The following ARNT2 variants were observed in gnomAD, a reference collection of about 807,000 sequenced individuals.
ARNT2 encodes ARNT protein 2.
ARNT2 carries 36 observed loss-of-function variants against 91.7 expected under a neutral mutation model. That is an observed-to-expected ratio of 0.39 (90% CI 0.30 to 0.52). ARNT2 has a LOEUF of 0.52. ARNT2 is among the 20% of genes least tolerant of loss of function. ARNT2 has a pLI of 0.72. For synonymous variants in ARNT2, 365 were observed against 347.1 expected (o/e 1.05, Z -0.57); for missense variants, 775 against 939.3 (o/e 0.83, Z 2.29).
At chr15:80,485,128 A>C (rs1267385283) in intron 5 of ARNT2, among the ~76,000 whole-genome samples, 2 of 152,224 alleles carry the variant, frequency 1.3e-5, no homozygotes. Context: ...GTGGTTTCCC[A>C]AACTTTCCAT....
rs892653429 is a variant in ARNT2, at chr15:80,406,969, G to C, written c.31+2423G>C. ...TGGCTCAGGGTTTGAGCCAAAGAGA[G>C]AGAGTTCAGATTCTATGGGCAATTT... On this transcript the variant is annotated intron_variant, in intron 1 of 18. Transcript: ENST00000303329. Among the ~76,000 whole-genome samples the C allele has an allele frequency of 2.0e-5, 3 of 152,190 alleles. No individual in the cohort carries two copies. The South Asian group carries it at 6.2e-4, about 32-fold the overall frequency.
At chr15:80,458,265 T>C (rs1217385596) in intron 3 of ARNT2, among the ~76,000 whole-genome samples, 1 of 152,142 alleles carries the variant, frequency 6.6e-6, no homozygotes, top group Non-Finnish European at 1.5e-5. Context: ...TAGGGCTTTT[T>C]AAAAAGTATT....
At chr15:80,430,087 C>T (rs1895987612) in intron 1 of ARNT2, among the ~76,000 whole-genome samples, 1 of 152,162 alleles carries the variant, frequency 6.6e-6, no homozygotes, top group African/African-American at 2.4e-5. Context: ...CAGAAGGCTT[C>T]CCTAGGTCAC....
At chr15:80,519,547 C>T (rs1228171463) in intron 8 of ARNT2, among the ~76,000 whole-genome samples, 1 of 152,186 alleles carries the variant, frequency 6.6e-6, no homozygotes, top group Non-Finnish European at 1.5e-5. Context: ...TCTTTGAGTT[C>T]TGTCCTTTGT....
intron 1 of ARNT2, among the ~76,000 whole-genome samples, chr15:80,433,257 A>ATTTTAT (rs371260856): frequency 0.3 from 37,508 of 125,986 alleles, 6,307 homozygotes; most frequent in East Asian, 0.51. Context: ...ATTTTATTTT[A>ATTTTAT]TTTTATTTTA....
At chr15:80,494,378 TCTC>T (rs1169959908) in intron 5 of ARNT2, among the ~76,000 whole-genome samples, 2 of 152,262 alleles carry the variant, frequency 1.3e-5, no homozygotes, top group Admixed American at 1.3e-4. Context: ...GTCAGCCTGG[TCTC>T]CTGGCATATA....
chr15:80,564,273 C>T (rs1270563856), intron 12 of ARNT2, among the ~76,000 whole-genome samples: 1 of 152,152 alleles, frequency 6.6e-6, no homozygotes, highest in African/African-American at 2.4e-5. Flanking sequence ...TTCTCGGTAG[C>T]CTCCCTGGGA....
At chr15:80,498,717 G>GA (rs1263625022) in intron 5 of ARNT2, among the ~76,000 whole-genome samples, 1 of 152,152 alleles carries the variant, frequency 6.6e-6, no homozygotes, top group Admixed American at 6.5e-5. Flanking sequence ...GACATACACA[G>GA]AAAAGAACTA....
rs1235190055 is a variant in ARNT2 at position 80,504,928 on chromosome 15, G to A, written c.623-3228G>A. ...GCGTGGAGTGGTGGGATGGCATAGG[G>A]TGAGGAGGGAGTATGAGAGGAGGGC... On this transcript the variant is annotated intron_variant, in intron 5 of 18. Coordinates refer to ENST00000303329, the MANE Select transcript of ARNT2 (RefSeq NM_014862.4). Among the ~76,000 whole-genome samples the A allele has an allele frequency of 3.9e-5, 6 of 152,160 alleles. No individual in the cohort carries two copies. In the East Asian group the frequency reaches 5.8e-4, roughly 15 times the overall value.
At chr15:80,414,555 G>A (rs558992911) in intron 1 of ARNT2, among the ~76,000 whole-genome samples, 36 of 152,246 alleles carry the variant, frequency 2.4e-4, no homozygotes, top group East Asian at 2.1e-3. Context: ...AATCCGTGAT[G>A]GAAGTTAATT....
chr15:80,581,010 C>T (rs1219984108), intron 16 of ARNT2: 15 of 579,576 alleles, frequency 2.6e-5, no homozygotes, highest in Non-Finnish European at 4.2e-5. Context: ...CCCGGATCCT[C>T]GTAGCCCTGG....
At chr15:80,427,660 G>A (rs750636395) in intron 1 of ARNT2, among the ~76,000 whole-genome samples, 1 of 152,196 alleles carries the variant, frequency 6.6e-6, no homozygotes, top group Non-Finnish European at 1.5e-5. Context: ...CTCTTGAAAG[G>A]TGTGGGTCAT....
At position 80,555,097 on chromosome 15, in the gene ARNT2, C is replaced by A; in HGVS notation, c.1122C>A (p.Cys374Ter). ...TGGGAAAGGACATTTTGGAATTCTG[C>A]CACCCTGAGGATCAAAGCCATCTGC... ...DLLGKDILEF[C>*]HPEDQSHLRE... The change falls in exon 11 of 19, where the codon TGC becomes TGA. Residue 374 changes from cysteine to a stop codon, truncating the protein, a stop_gained. Coordinates refer to ENST00000303329, the MANE Select transcript of ARNT2 (RefSeq NM_014862.4). LOFTEE classifies it high-confidence loss of function. 2 of 1,614,182 alleles carry A rather than the reference C, an allele frequency of 1.2e-6. No homozygotes were observed. Among genetic ancestry groups the A allele is most frequent in the Non-Finnish European group, 1.7e-6 (2 of 1,180,024 alleles).
At chr15:80,510,061 G>A (rs28447077) in intron 6 of ARNT2, among the ~76,000 whole-genome samples, 2,678 of 152,262 alleles carry the variant, frequency 0.018, 88 homozygotes, top group African/African-American at 0.061. Context: ...AAAGAAGAAG[G>A]GTAGAAGTAA....
intron 6 of ARNT2, 24 bp downstream of exon 6, chr15:80,508,282 C>CCAT (rs1408899255): frequency 5.0e-6 from 8 of 1,611,220 alleles, no homozygotes; most frequent in Non-Finnish European, 6.8e-6. Flanking sequence ...GAGCAGCAGG[C>CCAT]CATCAGGTGG....
chr15:80,504,290 A>G (rs951556209), intron 5 of ARNT2, among the ~76,000 whole-genome samples: 2 of 152,150 alleles, frequency 1.3e-5, no homozygotes, highest in African/African-American at 4.8e-5. Flanking sequence ...GTTTGAGTCT[A>G]TTCTCATCGA....
At chr15:80,534,606 G>A (rs1897791482) in intron 8 of ARNT2, among the ~76,000 whole-genome samples, 1 of 152,128 alleles carries the variant, frequency 6.6e-6, no homozygotes, top group Admixed American at 6.5e-5. Context: ...TATTTTGGAT[G>A]TCATAAATAC....
intron 4 of ARNT2, among the ~76,000 whole-genome samples, chr15:80,472,944 T>G (rs977778860): frequency 6.6e-6 from 1 of 152,172 alleles, no homozygotes; most frequent in African/African-American, 2.4e-5. Context: ...GACTGAGGAT[T>G]ATGAAAGTGG....
intron 1 of ARNT2, among the ~76,000 whole-genome samples, chr15:80,422,762 TAATA>T (rs1345757968): frequency 1.7e-5 from 2 of 116,188 alleles, no homozygotes; most frequent in Admixed American, 1.7e-4. Flanking sequence ...ATTTCTAGAG[TAATA>T]ATTAAGGCAT....
Sources: gnomAD v4.1 joint callset for allele counts (sites outside exome capture counted in the v4.1 genomes callset) on GRCh38, gnomAD v4.1.1 for gene constraint, MANE v1.5 for transcripts, NCBI Gene and HGNC (gene_info 2026-07-23, HGNC 2026-07-21) for gene names.